The following PPM1L variants were observed in gnomAD, a reference collection of about 807,000 sequenced individuals.
PPM1L encodes protein phosphatase, Mg2+/Mn2+ dependent 1L, also known as protein phosphatase 1L.
Under a neutral mutation model 31.4 loss-of-function variants are expected in PPM1L, and 13 were observed. The observed-to-expected ratio is 0.41, with a 90% CI of 0.27 to 0.66. PPM1L has a LOEUF of 0.66. Among genes scored for constraint, PPM1L ranks in the 30% least tolerant of loss-of-function variants. PPM1L has a pLI of 0.29. For synonymous variants in PPM1L, 184 were observed against 175.4 expected (o/e 1.05, Z -0.39); for missense variants, 326 against 453.7 (o/e 0.72, Z 2.56).
chr3:160,778,197 T>G (rs1436746397), intron 1 of PPM1L, among the ~76,000 whole-genome samples: 1 of 126,626 alleles, frequency 7.9e-6, no homozygotes, highest in Non-Finnish European at 1.6e-5. Context: ...TGGAGAAATA[T>G]TATTTAAGTT....
At chr3:160,957,872 G>A (rs1176122784) in intron 1 of PPM1L, among the ~76,000 whole-genome samples, 6 of 152,016 alleles carry the variant, frequency 3.9e-5, no homozygotes, top group African/African-American at 1.4e-4. Context: ...CACTGCGGCC[G>A]GCCTCTCGTT....
intron 1 of PPM1L, among the ~76,000 whole-genome samples, chr3:160,860,909 T>C (rs1223345832): frequency 6.6e-6 from 1 of 152,148 alleles, no homozygotes; most frequent in East Asian, 1.9e-4. Context: ...ATGACCTAAA[T>C]ACCTCTAAAA....
intron 1 of PPM1L, among the ~76,000 whole-genome samples, chr3:160,834,252 T>C (rs1713622369): frequency 6.6e-6 from 1 of 152,074 alleles, no homozygotes; most frequent in African/African-American, 2.4e-5. Context: ...CTCGATCTCC[T>C]GACCTCGTGA....
chr3:161,010,689 T>C (rs1332834360), intron 2 of PPM1L, among the ~76,000 whole-genome samples: 1 of 152,172 alleles, frequency 6.6e-6, no homozygotes, highest in Non-Finnish European at 1.5e-5. Context: ...GCACCTGTTG[T>C]TTCCTGACTT....
chr3:161,032,654 G>T (rs191040284), intron 2 of PPM1L, among the ~76,000 whole-genome samples: 1 of 150,654 alleles, frequency 6.6e-6, no homozygotes, highest in Non-Finnish European at 1.5e-5. Flanking sequence ...TGCTTATGAA[G>T]AACAAATATG....
intron 1 of PPM1L, among the ~76,000 whole-genome samples, chr3:160,809,945 A>G (rs1712758292): frequency 6.6e-6 from 1 of 152,164 alleles, no homozygotes; most frequent in Non-Finnish European, 1.5e-5. Context: ...CTTCAGAGGT[A>G]AAAAGAGGGT....
In PPM1L at chr3:160,756,787, GTGTA is replaced by G. The variant is rs1263656314; in HGVS notation, c.399+82_399+85del. The G allele has an allele frequency of 1.3e-4, 177 of 1,350,248 alleles. No homozygotes were observed. The African/African-American group carries it at 2.1e-3, about 16-fold the overall frequency. The allele number at this position is 1,350,248 out of a possible 1,614,324, so 83.6% of individuals were successfully genotyped here. On this transcript the variant is annotated intron_variant, in intron 1 of 3. Coordinates refer to ENST00000498165, the MANE Select transcript of PPM1L (RefSeq NM_139245.4). This position sits in a 1 kb window ranked among gnomAD's most constrained non-coding sequence, Gnocchi z 6.2. ...TGTGTGTGTGTGTGTGTGTGTGTGT[GTGTA>G]TAAACAACAGGACAGCGTGTGCGCA...
chr3:160,962,008 T>C (rs1715982549), intron 2 of PPM1L, 98 bp downstream of exon 2: 2 of 869,172 alleles, frequency 2.3e-6, no homozygotes, highest in Middle Eastern at 3.6e-4. Flanking sequence ...CAAACTAGAT[T>C]CAAAGTTATG....
chr3:161,012,247 A>C (rs1004221084), intron 2 of PPM1L, among the ~76,000 whole-genome samples: 4 of 152,126 alleles, frequency 2.6e-5, no homozygotes, highest in Admixed American at 2.0e-4. Context: ...AATTTTGTCA[A>C]AGGCCTTTTC....
intron 2 of PPM1L, among the ~76,000 whole-genome samples, chr3:161,024,282 A>T (rs1215072501): frequency 6.6e-6 from 1 of 151,414 alleles, no homozygotes; most frequent in Non-Finnish European, 1.5e-5. Context: ...AAAAAAAAAA[A>T]GATTTTTGGA....
intron 2 of PPM1L, among the ~76,000 whole-genome samples, chr3:161,008,317 G>A (rs2108060052): frequency 6.6e-6 from 1 of 152,344 alleles, no homozygotes; most frequent in Non-Finnish European, 1.5e-5. Flanking sequence ...AATCTGAACA[G>A]ACAAGCCTTG....
chr3:160,928,500 A>C (rs1488118490), intron 1 of PPM1L, among the ~76,000 whole-genome samples: 1 of 152,254 alleles, frequency 6.6e-6, no homozygotes, highest in African/African-American at 2.4e-5. Context: ...GTTTGGAGCT[A>C]CTGGTAGCCA....
At chr3:160,950,469 A>G (rs1038392993) in intron 1 of PPM1L, among the ~76,000 whole-genome samples, 3 of 152,136 alleles carry the variant, frequency 2.0e-5, no homozygotes, top group Non-Finnish European at 4.4e-5. Context: ...CCAACTACAC[A>G]TACAAGGAGC....
intron 1 of PPM1L, among the ~76,000 whole-genome samples, chr3:160,782,494 G>A (rs1711778348): frequency 6.6e-6 from 1 of 152,150 alleles, no homozygotes; most frequent in African/African-American, 2.4e-5. Context: ...TTAATGAATA[G>A]AGAAGTAAAT....
chr3:160,954,924 T>TTTCCTTCCTTCCTTCC lies in PPM1L; in HGVS notation c.400-6789_400-6774dup, dbSNP rs796768427. Among the ~76,000 whole-genome samples the TTTCCTTCCTTCCTTCC allele has an allele frequency of 4.0e-4, 34 of 86,014 alleles. 2 individuals are homozygous for TTTCCTTCCTTCCTTCC. The South Asian group carries it at 4.8e-3, about 12-fold the overall frequency. 56.4% of individuals were successfully genotyped at this position (86,014 alleles called of 152,430 possible). On this transcript the variant is annotated intron_variant, in intron 1 of 3. Coordinates refer to ENST00000498165, the MANE Select transcript of PPM1L (RefSeq NM_139245.4). ...CCTTCCTTCCTTCCTTCCTTCCTTC[T>TTTCCTTCCTTCCTTCC]TTCCTTCCTTCCTTCCTTCCTTCCT...
chr3:160,939,134 A>G (rs1046527888), intron 1 of PPM1L, among the ~76,000 whole-genome samples: 2 of 152,184 alleles, frequency 1.3e-5, no homozygotes, highest in African/African-American at 4.8e-5. Flanking sequence ...AATATTAGCT[A>G]TTGCTATTTA....
intron 1 of PPM1L, among the ~76,000 whole-genome samples, chr3:160,864,229 T>C (rs1324560120): frequency 6.6e-6 from 1 of 152,120 alleles, no homozygotes; most frequent in Non-Finnish European, 1.5e-5. Context: ...GTCACCCAGG[T>C]TGGATTGCAG....
intron 1 of PPM1L, among the ~76,000 whole-genome samples, chr3:160,949,858 T>G (rs1175957400): frequency 6.6e-6 from 1 of 152,242 alleles, no homozygotes; most frequent in East Asian, 1.9e-4. Flanking sequence ...AGACTACTTT[T>G]GCAACCAAGG....
At chr3:160,996,706 G>T (rs1232232339) in intron 2 of PPM1L, among the ~76,000 whole-genome samples, 1 of 152,032 alleles carries the variant, frequency 6.6e-6, no homozygotes, top group Admixed American at 6.6e-5. Flanking sequence ...CTCTGGTGAT[G>T]GGTACACTAA....
Sources: allele counts gnomAD v4.1 joint callset (sites outside exome capture counted in the v4.1 genomes callset), GRCh38; gene constraint gnomAD v4.1.1; non-coding constraint Gnocchi (gnomAD v3.1); transcripts MANE v1.5; gene names NCBI Gene and HGNC (gene_info 2026-07-23, HGNC 2026-07-21).